The following LSAMP variants were observed in gnomAD, a reference collection of about 807,000 sequenced individuals.
The protein encoded by LSAMP is limbic system-associated membrane protein.
A neutral mutation model predicts 38.6 loss-of-function variants in LSAMP; 7 were observed. The observed-to-expected ratio is 0.18, with a 90% confidence interval of 0.10 to 0.34. The LOEUF (loss-of-function observed/expected upper bound fraction) is 0.34. LSAMP is among the 10% of genes least tolerant of loss of function. The pLI is 1.00. For missense variants in LSAMP, 313 were observed against 420.0 expected, an observed-to-expected ratio of 0.75 and a Z score of 2.23; for synonymous variants, 154 against 166.8, an observed-to-expected ratio of 0.92 and a Z score of 0.59.
In LSAMP at chr3:116,445,372, C is replaced by A; in HGVS notation, c.-341G>T. 1 of 508,114 alleles carries A rather than the reference C, an allele frequency of 2.0e-6. No homozygotes were observed. Among genetic ancestry groups the A allele is most frequent in the Non-Finnish European group, 3.4e-6 (1 of 291,650 alleles). 31.5% of individuals were successfully genotyped at this position (508,114 alleles called of 1,614,324 possible). ...CTCTCTGTGACTGGATGCTCCTCTG[C>A]CAGTGTCTGAGCTGAGCTCCTTCGC... On this transcript the variant is annotated 5_prime_UTR_variant, in exon 1 of 7. Coordinates refer to ENST00000490035, the MANE Select transcript of LSAMP (RefSeq NM_002338.5).
chr3:116,135,756 A>G (rs980383705), intron 1 of LSAMP, among the ~76,000 whole-genome samples: 4 of 152,178 alleles, frequency 2.6e-5, no homozygotes, highest in Admixed American at 2.0e-4. Context: ...TTTATTTTAA[A>G]AGCAATAAAC....
chr3:115,859,353 GAAAACA>G (rs888408027), intron 3 of LSAMP, among the ~76,000 whole-genome samples: 11 of 151,918 alleles, frequency 7.2e-5, no homozygotes, highest in South Asian at 4.2e-4. Context: ...AGGGGATGAA[GAAAACA>G]AAAACAAAAA....
At chr3:116,246,925 A>G (rs2046612661) in intron 1 of LSAMP, among the ~76,000 whole-genome samples, 1 of 152,134 alleles carries the variant, frequency 6.6e-6, no homozygotes, top group Non-Finnish European at 1.5e-5. Context: ...GACAATGTTC[A>G]TTTCAGGACA....
chr3:115,837,218 C>T (rs1022589282), intron 6 of LSAMP, among the ~76,000 whole-genome samples: 5 of 152,116 alleles, frequency 3.3e-5, no homozygotes, highest in Admixed American at 3.3e-4. Context: ...GGCTTTACAA[C>T]TTAATGATAT....
intron 3 of LSAMP, 106 bp downstream of exon 3, chr3:116,019,409 A>G (rs1352630508): frequency 2.2e-6 from 3 of 1,382,398 alleles, no homozygotes; most frequent in African/African-American, 2.9e-5. Context: ...ACAGAATTTC[A>G]ATTCTGATTC....
chr3:116,354,527 A>G (rs1445301211), intron 1 of LSAMP, among the ~76,000 whole-genome samples: 1 of 152,206 alleles, frequency 6.6e-6, no homozygotes, highest in African/African-American at 2.4e-5. Flanking sequence ...GAAGAAGCTT[A>G]AATATTTCCT....
Position 116,445,385 on chromosome 3 carries a change from T to C in LSAMP, c.-354A>G. ...GATGCTCCTCTGCCAGTGTCTGAGCTGAGCTCCTTCGCTCTGTAACCCACT... is the reference window on the plus strand; with the variant it reads ...GATGCTCCTCTGCCAGTGTCTGAGCCGAGCTCCTTCGCTCTGTAACCCACT... On this transcript the variant is annotated 5_prime_UTR_variant, in exon 1 of 7. Coordinates refer to ENST00000490035, the MANE Select transcript of LSAMP (RefSeq NM_002338.5). The C allele has an allele frequency of 4.1e-6, 2 of 484,802 alleles. No individual in the cohort carries two copies. The highest frequency in any genetic ancestry group is 7.2e-6 in the Non-Finnish European group (2 of 278,298). The allele number at this position is 484,802 out of a possible 1,614,324, so 30.0% of individuals were successfully genotyped here.
At chr3:116,403,330 A>C (rs1346644425) in intron 1 of LSAMP, among the ~76,000 whole-genome samples, 1 of 152,198 alleles carries the variant, frequency 6.6e-6, no homozygotes, top group Non-Finnish European at 1.5e-5. Context: ...CTCAATAATA[A>C]ACAAGGTATT....
intron 3 of LSAMP, among the ~76,000 whole-genome samples, chr3:115,899,497 C>T (rs1936818786): frequency 6.6e-6 from 1 of 152,144 alleles, no homozygotes; most frequent in Admixed American, 6.5e-5. Flanking sequence ...ATTATAAGAG[C>T]TGTGATTACC....
At chr3:116,295,086 C>T (rs1306758771) in intron 1 of LSAMP, among the ~76,000 whole-genome samples, 1 of 151,920 alleles carries the variant, frequency 6.6e-6, no homozygotes, top group African/African-American at 2.4e-5. Flanking sequence ...TGATGAAATA[C>T]TAAAAGAAAG....
chr3:116,108,790 G>A (rs908888993), intron 1 of LSAMP, among the ~76,000 whole-genome samples: 26 of 152,206 alleles, frequency 1.7e-4, no homozygotes, highest in African/African-American at 6.3e-4. Flanking sequence ...AAGCTCCTGG[G>A]GGAGGAGGTT....
intron 3 of LSAMP, among the ~76,000 whole-genome samples, chr3:115,916,783 C>T (rs1015101333): frequency 6.6e-6 from 1 of 152,192 alleles, no homozygotes; most frequent in African/African-American, 2.4e-5. Context: ...GATTTTGTCA[C>T]TTGCCTAAGG....
intron 3 of LSAMP, among the ~76,000 whole-genome samples, chr3:115,931,056 A>T (rs1937572750): frequency 6.6e-6 from 1 of 152,188 alleles, no homozygotes; most frequent in Non-Finnish European, 1.5e-5. Flanking sequence ...TTGACTGCAG[A>T]TGATAAGCAA....
intron 3 of LSAMP, among the ~76,000 whole-genome samples, chr3:115,960,165 G>A (rs1309780941): frequency 6.6e-6 from 1 of 152,110 alleles, no homozygotes; most frequent in Admixed American, 6.5e-5. Flanking sequence ...GTGTAAAGAG[G>A]TTAAGTTAAA....
chr3:116,004,142 T>A (rs1413245349), intron 3 of LSAMP, among the ~76,000 whole-genome samples: 2 of 152,150 alleles, frequency 1.3e-5, no homozygotes, highest in Non-Finnish European at 2.9e-5. Context: ...TATTTATTAC[T>A]AAAAATCTAA....
intron 2 of LSAMP, among the ~76,000 whole-genome samples, chr3:116,022,011 T>A (rs1940653155): frequency 1.3e-5 from 2 of 152,186 alleles, no homozygotes; most frequent in South Asian, 4.1e-4. Context: ...ATTCAAGTAC[T>A]GAGTCTCAGA....
intron 1 of LSAMP, among the ~76,000 whole-genome samples, chr3:116,120,419 G>C (rs893330652): frequency 3.1e-4 from 47 of 150,532 alleles, no homozygotes; most frequent in African/African-American, 1.1e-3. Flanking sequence ...AGGAGGGAGG[G>C]AAGGAGGAAG....
At chr3:116,436,654 G>C (rs1044410577) in intron 1 of LSAMP, among the ~76,000 whole-genome samples, 5 of 152,048 alleles carry the variant, frequency 3.3e-5, no homozygotes, top group African/African-American at 1.2e-4. Context: ...TCCAAGAATG[G>C]CCATACTCAA....
intron 1 of LSAMP, among the ~76,000 whole-genome samples, chr3:116,336,841 C>T (rs996348717): frequency 6.6e-5 from 10 of 151,096 alleles, no homozygotes; most frequent in African/African-American, 2.4e-4. Context: ...ATTTATATAC[C>T]CATGTTCACA....
Sources: allele counts gnomAD v4.1 joint callset (sites outside exome capture counted in the v4.1 genomes callset), GRCh38; gene constraint gnomAD v4.1.1; transcripts MANE v1.5; gene names NCBI Gene and HGNC (gene_info 2026-07-23, HGNC 2026-07-21).